The following GPC5 variants were observed in gnomAD, a reference collection of about 807,000 sequenced individuals.
GPC5 encodes glypican 5, also known as glypican-5.
Under a neutral mutation model 53.9 loss-of-function variants are expected in GPC5, and 47 were observed. The ratio of observed to expected loss-of-function variants is 0.87; its 90% CI spans 0.69 to 1.11. GPC5 has a LOEUF of 1.11. Ranked by LOEUF, GPC5 falls within the 50% of genes most tolerant of loss-of-function variation. GPC5 has a pLI of 0.00. For missense variants in GPC5, 748 were observed against 713.1 expected, an observed-to-expected ratio of 1.05 and a Z score of -0.56; for synonymous variants, 286 against 263.3, an observed-to-expected ratio of 1.09 and a Z score of -0.84.
intron 6 of GPC5, among the ~76,000 whole-genome samples, chr13:92,014,422 C>T (rs1278973523): frequency 6.6e-6 from 1 of 152,044 alleles, no homozygotes; most frequent in African/African-American, 2.4e-5. Context: ...AGCCCCAACA[C>T]CAAATAGTAT....
chr13:92,179,341 C>T (rs1050169917), intron 7 of GPC5, among the ~76,000 whole-genome samples: 6 of 152,170 alleles, frequency 3.9e-5, no homozygotes, highest in Non-Finnish European at 7.4e-5. Context: ...TTTTCTTTTA[C>T]AGATGACACA....
intron 7 of GPC5, among the ~76,000 whole-genome samples, chr13:92,655,297 TTTTATTTATTTA>T (rs374530742): frequency 1.4e-5 from 2 of 146,142 alleles, no homozygotes; most frequent in East Asian, 4.0e-4. Flanking sequence ...AGTTGATTGC[TTTTATTTATTTA>T]TTTATTTATT....
intron 2 of GPC5, among the ~76,000 whole-genome samples, chr13:91,467,046 T>A (rs1882285816): frequency 6.6e-6 from 1 of 152,310 alleles, no homozygotes. Flanking sequence ...TGATCTTAGT[T>A]ACCAGACAAC....
At chr13:91,467,986 A>G (rs945473557) in intron 2 of GPC5, among the ~76,000 whole-genome samples, 1 of 152,174 alleles carries the variant, frequency 6.6e-6, no homozygotes, top group Non-Finnish European at 1.5e-5. Flanking sequence ...GCTCACATCC[A>G]TGGAGAAGAT....
chr13:91,544,915 G>A (rs1373212678), intron 2 of GPC5, among the ~76,000 whole-genome samples: 1 of 152,164 alleles, frequency 6.6e-6, no homozygotes, highest in African/African-American at 2.4e-5. Flanking sequence ...TTCCAGGAAG[G>A]CTCACTCATG....
chr13:91,801,253 TTGTGTGTGTG>T (rs71113762), intron 5 of GPC5, among the ~76,000 whole-genome samples: 118 of 146,390 alleles, frequency 8.1e-4, no homozygotes, highest in East Asian at 4.6e-3. Context: ...CATCCATACT[TTGTGTGTGTG>T]TGTGTGTGTG....
chr13:92,422,113 C>T lies in GPC5; in HGVS notation c.1561+277124C>T, dbSNP rs116912301. 4.2e-3 allele frequency among the ~76,000 whole-genome samples: 604 copies of T among 144,420 alleles called. 4 individuals carry two copies. The highest frequency in any genetic ancestry group is 6.6e-3 in the Non-Finnish European group (444 of 66,946). 94.7% of individuals were successfully genotyped at this position (144,420 alleles called of 152,430 possible). ...GACTAGAGATGGCTTAATATTATTC[C>T]CAAACAAATCTTGCCACCATTTTTT... On this transcript the variant is annotated intron_variant, in intron 7 of 7. Transcript: ENST00000377067.
chr13:92,086,076 C>T (rs114865991), intron 6 of GPC5, among the ~76,000 whole-genome samples: 2,584 of 152,278 alleles, frequency 0.017, 72 homozygotes, highest in African/African-American at 0.059. Flanking sequence ...CAGGAATTCA[C>T]ACTGTGTGGC....
intron 7 of GPC5, among the ~76,000 whole-genome samples, chr13:92,637,991 G>C (rs1457808610): frequency 6.6e-6 from 1 of 152,036 alleles, no homozygotes; most frequent in Non-Finnish European, 1.5e-5. Flanking sequence ...ATCAAAAGCA[G>C]ATTATCAATT....
chr13:92,844,734 AC>A (rs546208436), intron 7 of GPC5, among the ~76,000 whole-genome samples: 33 of 152,314 alleles, frequency 2.2e-4, no homozygotes, highest in African/African-American at 7.2e-4. Flanking sequence ...TATCTATAAA[AC>A]ATATAAATAA....
intron 2 of GPC5, among the ~76,000 whole-genome samples, chr13:91,487,602 T>C (rs1883687650): frequency 6.6e-6 from 1 of 152,194 alleles, no homozygotes; most frequent in Non-Finnish European, 1.5e-5. Flanking sequence ...GTGTTATATT[T>C]TGGGGTGAAA....
At chr13:91,813,296 C>A (rs527289190) in intron 5 of GPC5, among the ~76,000 whole-genome samples, 1 of 152,304 alleles carries the variant, frequency 6.6e-6, no homozygotes, top group Admixed American at 6.5e-5. Context: ...CTGTTATGAT[C>A]CTGCTGAAAG....
At chr13:91,947,917 C>A (rs1446745323) in intron 6 of GPC5, among the ~76,000 whole-genome samples, 1 of 151,898 alleles carries the variant, frequency 6.6e-6, no homozygotes, top group South Asian at 2.1e-4. Flanking sequence ...TTTGGGAGGC[C>A]GAGGCGGGTG....
At chr13:92,806,144 C>T (rs1023361748) in intron 7 of GPC5, among the ~76,000 whole-genome samples, 2 of 152,112 alleles carry the variant, frequency 1.3e-5, no homozygotes, top group South Asian at 4.1e-4. Flanking sequence ...TAACTTGCTG[C>T]AGCTTCTCCA....
intron 6 of GPC5, among the ~76,000 whole-genome samples, chr13:92,071,096 C>G (rs1199146717): frequency 6.6e-6 from 1 of 151,946 alleles, no homozygotes; most frequent in Admixed American, 6.6e-5. Context: ...ATTAGCCAGG[C>G]GTGGTGGCAT....
At chr13:91,889,559 A>C (rs9589365) in intron 5 of GPC5, among the ~76,000 whole-genome samples, 3,733 of 152,284 alleles carry the variant, frequency 0.025, 152 homozygotes, top group African/African-American at 0.084. Context: ...TTAAAATGAA[A>C]TTACACATTC....
chr13:91,846,124 A>G (rs1480346341), intron 5 of GPC5, among the ~76,000 whole-genome samples: 6 of 152,180 alleles, frequency 3.9e-5, no homozygotes, highest in Non-Finnish European at 8.8e-5. Flanking sequence ...CTCCCTCCAC[A>G]TGACCTGAAA....
intron 7 of GPC5, among the ~76,000 whole-genome samples, chr13:92,786,478 A>G (rs1005308880): frequency 2.6e-5 from 4 of 152,168 alleles, no homozygotes; most frequent in Non-Finnish European, 5.9e-5. Flanking sequence ...TGAGACTGGC[A>G]TATCTGAAAA....
chr13:91,750,742 G>A (rs979383010), intron 4 of GPC5, among the ~76,000 whole-genome samples: 10 of 144,234 alleles, frequency 6.9e-5, no homozygotes, highest in African/African-American at 2.3e-4. Context: ...GTGCAATGGC[G>A]CCATCTTGGC....
Sources: gnomAD v4.1 joint callset for allele counts (sites outside exome capture counted in the v4.1 genomes callset) on GRCh38, gnomAD v4.1.1 for gene constraint, MANE v1.5 for transcripts, NCBI Gene and HGNC (gene_info 2026-07-23, HGNC 2026-07-21) for gene names.